Variants in FUBP3 observed in about 807,000 individuals in gnomAD.
FUBP3 encodes far upstream element binding protein 3.
In FUBP3, 28 loss-of-function variants were observed where a neutral mutation model predicts 85.6. The observed-to-expected ratio is 0.33, with a 90% CI of 0.24 to 0.45. The LOEUF (loss-of-function observed/expected upper bound fraction) is 0.45. FUBP3 is among the 20% of genes least tolerant of loss of function. FUBP3 has a pLI of 1.00. For synonymous variants in FUBP3, 271 were observed against 271.4 expected, an observed-to-expected ratio of 1.00 and a Z score of 0.01; for missense variants, 583 against 755.1, an observed-to-expected ratio of 0.77 and a Z score of 2.67.
intron 1 of FUBP3, among the ~76,000 whole-genome samples, chr9:130,594,212 T>C: frequency 6.6e-6 from 1 of 152,166 alleles, no homozygotes; most frequent in Admixed American, 6.5e-5. Flanking sequence ...TTTGCGAGAC[T>C]GAGGCAGGAG....
intron 2 of FUBP3, among the ~76,000 whole-genome samples, chr9:130,602,818 G>T (rs1831221811): frequency 6.6e-6 from 1 of 152,112 alleles, no homozygotes; most frequent in East Asian, 1.9e-4. Flanking sequence ...AGGCTTCCCA[G>T]GTTCCTTTTT....
intron 1 of FUBP3, among the ~76,000 whole-genome samples, chr9:130,585,700 G>A (rs933357253): frequency 3.3e-5 from 5 of 152,190 alleles, no homozygotes; most frequent in African/African-American, 9.7e-5. Context: ...AGATCACTTC[G>A]TGCCCTCTTT....
intron 17 of FUBP3, 108 bp downstream of exon 17, chr9:130,634,846 G>A: frequency 1.2e-6 from 1 of 833,790 alleles, no homozygotes; most frequent in Non-Finnish European, 2.0e-6. Flanking sequence ...CCTTCCCTGT[G>A]TGGCTTGATC....
In FUBP3 at chr9:130,616,528, C is replaced by CCGGAGCA. The variant is rs541066153; in HGVS notation, c.567+20_567+26dup. 6.1e-5 allele frequency: 98 copies of CCGGAGCA among 1,613,536 alleles called. 1 individual carries two copies. Among genetic ancestry groups the CCGGAGCA allele is most frequent in the Non-Finnish European group, 7.5e-5 (89 of 1,179,646 alleles). On this transcript the variant is annotated intron_variant, in intron 7 of 18. Coordinates refer to ENST00000319725, the MANE Select transcript of FUBP3 (RefSeq NM_003934.2). The surrounding 1 kb of genome is among the most constrained non-coding windows in gnomAD (Gnocchi z 4.7). The stretch of plus-strand genomic sequence containing the variant: ...ATCAAGCAGTTGCAGGTGTGTGAGC[C>CCGGAGCA]CGGAGCACGGAGCACAGCGGCCGCT...
intron 1 of FUBP3, among the ~76,000 whole-genome samples, chr9:130,586,459 T>G (rs1230987866): frequency 5.9e-5 from 9 of 152,142 alleles, no homozygotes; most frequent in Non-Finnish European, 1.2e-4. Flanking sequence ...TGGAGCGCAG[T>G]GGCGCAGTCT....
Position 130,616,213 on chromosome 9 carries a change from G to A in FUBP3, c.405-142G>A, listed in dbSNP as rs781286524. 20 of 708,648 alleles carry A rather than the reference G, an allele frequency of 2.8e-5. No individual in the cohort carries two copies. Among genetic ancestry groups the A allele is most frequent in the Middle Eastern group, 4.0e-4 (1 of 2,514 alleles). 43.9% of individuals were successfully genotyped at this position (708,648 alleles called of 1,614,324 possible). On this transcript the variant is annotated intron_variant, in intron 6 of 18. Transcript: ENST00000319725. This position sits in a 1 kb window ranked among gnomAD's most constrained non-coding sequence, Gnocchi z 4.7. ...CGTGGCGGATGGCAGAGAGACCTCC[G>A]GGTTGTGGGGGCAGGAGCTGGAGCT...
chr9:130,600,999 G>T (rs1053833360), intron 2 of FUBP3, among the ~76,000 whole-genome samples: 5 of 152,078 alleles, frequency 3.3e-5, no homozygotes, highest in Non-Finnish European at 7.4e-5. Context: ...AAGCTTGCAG[G>T]CTATGTATCC....
chr9:130,587,768 T>C (rs541914849), intron 1 of FUBP3, among the ~76,000 whole-genome samples: 1 of 152,288 alleles, frequency 6.6e-6, no homozygotes, highest in South Asian at 2.1e-4. Flanking sequence ...ACTCTTTGTC[T>C]TAAGGGTACC....
At position 130,595,222 on chromosome 9, in the gene FUBP3, G is replaced by A. The variant is rs577512897; in HGVS notation, c.85-261G>A. Among the ~76,000 whole-genome samples, 31 of 88,206 alleles carry A rather than the reference G, an allele frequency of 3.5e-4. No homozygotes were observed. In the South Asian group the frequency reaches 7.3e-3, roughly 21 times the overall value. 57.9% of individuals were successfully genotyped at this position (88,206 alleles called of 152,430 possible). A position where few individuals can be genotyped will look rare whatever the true frequency, so the allele number is the denominator to read the frequency against. On this transcript the variant is annotated intron_variant, in intron 1 of 18. Coordinates refer to ENST00000319725, the MANE Select transcript of FUBP3 (RefSeq NM_003934.2). ...GCCTGGGCAACAAGAGCGAAACTCC[G>A]TCTCAAAAAAAAAAAAAAAAAAAGG...
intron 2 of FUBP3, 152 bp from the exon 3 acceptor site, chr9:130,609,802 C>T (rs183568842): frequency 4.7e-5 from 31 of 657,060 alleles, no homozygotes; most frequent in South Asian, 8.7e-5. Context: ...TATCATATAA[C>T]GCATTCATTT....
chr9:130,604,399 A>T (rs754618844), intron 2 of FUBP3, among the ~76,000 whole-genome samples: 1 of 152,214 alleles, frequency 6.6e-6, no homozygotes, highest in African/African-American at 2.4e-5. Context: ...CTCATGTGCC[A>T]TAATAGTATA....
chr9:130,602,435 A>T (rs927400269), intron 2 of FUBP3, among the ~76,000 whole-genome samples: 3 of 152,112 alleles, frequency 2.0e-5, no homozygotes, highest in African/African-American at 7.2e-5. Flanking sequence ...GGAGGGAGGA[A>T]AAGACGTTTG....
In FUBP3 at chr9:130,592,578, G is replaced by A. The variant is rs561033077; in HGVS notation, c.85-2905G>A. Among the ~76,000 whole-genome samples, 8 of 152,164 alleles carry A rather than the reference G, an allele frequency of 5.3e-5. No individual in the cohort carries two copies. In the South Asian group the frequency reaches 8.3e-4, roughly 16 times the overall value. On this transcript the variant is annotated intron_variant, in intron 1 of 18. Coordinates refer to ENST00000319725, the MANE Select transcript of FUBP3 (RefSeq NM_003934.2). ...TGTTGTTTTAAAGAGATGGGGTCTC[G>A]CTCCATCTTCCAGCTGGAGTTCAGT...
intron 2 of FUBP3, among the ~76,000 whole-genome samples, chr9:130,601,745 AC>A (rs1404261993): frequency 6.6e-6 from 1 of 151,360 alleles, no homozygotes; most frequent in African/African-American, 2.4e-5. Context: ...GGTTTCAGTT[AC>A]CCACGGTCAA....
intron 2 of FUBP3, among the ~76,000 whole-genome samples, chr9:130,606,044 T>G (rs1831414786): frequency 6.6e-6 from 1 of 152,196 alleles, no homozygotes; most frequent in South Asian, 2.1e-4. Flanking sequence ...TTACTTTCAC[T>G]TTTTAAAAAA....
rs570566924 is a variant in FUBP3 at position 130,600,725 on chromosome 9, C to G, written c.190+5137C>G. Among the ~76,000 whole-genome samples, 51 of 152,244 alleles carry G rather than the reference C, an allele frequency of 3.3e-4. 1 individual carries two copies. The highest frequency in any genetic ancestry group is 6.8e-3 in the Middle Eastern group (2 of 294). On this transcript the variant is annotated intron_variant, in intron 2 of 18. Coordinates refer to ENST00000319725, the MANE Select transcript of FUBP3 (RefSeq NM_003934.2). ...TGGTGGCTTATGCCTATAATCCCAG[C>G]ACTTTGGGAGGCCGAGGTGGGAGGA... is the stretch of plus-strand genomic sequence containing the variant.
In FUBP3 at chr9:130,582,459, AAAAAG is replaced by A. The variant is rs1216904928; in HGVS notation, c.84+2700_84+2704del. Among the ~76,000 whole-genome samples, 235 of 110,350 alleles carry A rather than the reference AAAAAG, an allele frequency of 2.1e-3. 1 individual carries two copies. The highest frequency in any genetic ancestry group is 8.0e-3 in the African/African-American group (216 of 26,850). The allele number at this position is 110,350 out of a possible 152,430, so 72.4% of individuals were successfully genotyped here. A position where few individuals can be genotyped will look rare whatever the true frequency, so the allele number is the denominator to read the frequency against. Reference sequence around the variant, plus strand: ...GAGTGAGACACTGTCTCAAAAAAAAAAAAAGAAAAAGAAAAAGAAAGAAATGTGAT... The same window carrying A: ...GAGTGAGACACTGTCTCAAAAAAAAAAAAAAGAAAAAGAAAGAAATGTGAT... On this transcript the variant is annotated intron_variant, in intron 1 of 18. Coordinates refer to ENST00000319725, the MANE Select transcript of FUBP3 (RefSeq NM_003934.2).
intron 1 of FUBP3, chr9:130,580,987 C>G (rs1325483666): frequency 6.6e-6 from 1 of 152,422 alleles, no homozygotes. Flanking sequence ...TCCCCTTCCA[C>G]CACTCTGCTT....
chr9:130,581,708 A>G (rs968061644), intron 1 of FUBP3: 1 of 152,248 alleles, frequency 6.6e-6, no homozygotes, highest in African/African-American at 2.4e-5. Context: ...CCCATTAAAC[A>G]GAACTAAAAG....
Sources: gnomAD v4.1 joint callset for allele counts (sites outside exome capture counted in the v4.1 genomes callset) on GRCh38, gnomAD v4.1.1 for gene constraint, Gnocchi (gnomAD v3.1) non-coding constraint, MANE v1.5 for transcripts, NCBI Gene and HGNC (gene_info 2026-07-23, HGNC 2026-07-21) for gene names.